Variants in SLC7A2 observed in about 807,000 individuals in gnomAD.
The protein encoded by SLC7A2 is solute carrier family 7 member 2, also known as cationic amino acid transporter 2.
SLC7A2 carries 48 observed loss-of-function variants against 58.9 expected under a neutral mutation model. The observed-to-expected ratio is 0.82, with a 90% CI of 0.65 to 1.04. The LOEUF is 1.04. SLC7A2 is among the 50% of genes least tolerant of loss of function. SLC7A2 has a pLI of 0.00. For missense variants in SLC7A2, 1,029 were observed against 818.8 expected (o/e 1.26, Z -3.13); for synonymous variants, 363 against 314.5 (o/e 1.15, Z -1.63).
intron 2 of SLC7A2, among the ~76,000 whole-genome samples, chr8:17,528,642 A>ACTCCGCCTGC (rs1801316354): frequency 6.6e-6 from 1 of 151,842 alleles, no homozygotes; most frequent in South Asian, 2.1e-4. Flanking sequence ...GAGGAAGTTA[A>ACTCCGCCTGC]CTCCGCCTGC....
In SLC7A2 at chr8:17,568,725, A is replaced by T. The variant is rs1459002125; in HGVS notation, c.*3579A>T. 1.3e-5 allele frequency: 2 copies of T among 152,036 alleles called. No homozygotes were observed. The highest frequency in any genetic ancestry group is 4.8e-5 in the African/African-American group (2 of 41,390). 9.4% of individuals were successfully genotyped at this position (152,036 alleles called of 1,614,324 possible). A position where few individuals can be genotyped will look rare whatever the true frequency, so the allele number is the denominator to read the frequency against. On this transcript the variant is annotated 3_prime_UTR_variant, in exon 13 of 13. Coordinates refer to ENST00000494857, the MANE Select transcript of SLC7A2 (RefSeq NM_001370338.1). Reference sequence around the variant, plus strand: ...ACACCTATAATCCTAGGATCTTGGGAGGTCGAGGCAAGCTGATCGCTTGAG... The same window carrying T: ...ACACCTATAATCCTAGGATCTTGGGTGGTCGAGGCAAGCTGATCGCTTGAG...
rs1301958806 is a variant in SLC7A2, at chr8:17,569,096, A to G, written c.*3950A>G. On this transcript the variant is annotated 3_prime_UTR_variant, in exon 13 of 13. Coordinates refer to ENST00000494857, the MANE Select transcript of SLC7A2 (RefSeq NM_001370338.1). ...CAATACCCATGATGACAGAGGGAGCACTTGAGCCTTGCCTTCCCTCCTCTT... is the reference window on the plus strand; with the variant it reads ...CAATACCCATGATGACAGAGGGAGCGCTTGAGCCTTGCCTTCCCTCCTCTT... 1 of 152,204 alleles carries G rather than the reference A, an allele frequency of 6.6e-6. No homozygotes were observed. The highest frequency in any genetic ancestry group is 2.4e-5 in the African/African-American group (1 of 41,458). The allele number at this position is 152,204 out of a possible 1,614,324, so 9.4% of individuals were successfully genotyped here.
intron 2 of SLC7A2, among the ~76,000 whole-genome samples, chr8:17,531,566 A>G (rs988655468): frequency 6.6e-6 from 1 of 152,216 alleles, no homozygotes; most frequent in South Asian, 2.1e-4. Context: ...TAAAATTCCT[A>G]TTGATCAATG....
At chr8:17,529,534 T>G (rs1801354158) in intron 2 of SLC7A2, among the ~76,000 whole-genome samples, 1 of 32,350 alleles carries the variant, frequency 3.1e-5, no homozygotes, top group African/African-American at 8.2e-5. Context: ...GTTTTTTTGT[T>G]TTTTTTTTTT....
intron 4 of SLC7A2, among the ~76,000 whole-genome samples, chr8:17,545,518 C>G (rs941319744): frequency 6.6e-6 from 1 of 150,574 alleles, no homozygotes; most frequent in Admixed American, 6.6e-5. Flanking sequence ...CTGCCTCAGC[C>G]TCCTGAGTAG....
chr8:17,505,309 A>G (rs1311358302), intron 2 of SLC7A2, among the ~76,000 whole-genome samples: 1 of 152,170 alleles, frequency 6.6e-6, no homozygotes, highest in East Asian at 1.9e-4. Context: ...TTAGGAGAGA[A>G]TCCTGTGAGC....
chr8:17,539,924 T>A (rs571979732), intron 2 of SLC7A2, among the ~76,000 whole-genome samples: 1 of 152,286 alleles, frequency 6.6e-6, no homozygotes, highest in South Asian at 2.1e-4. Flanking sequence ...CATAACCATT[T>A]CATATGGGGA....
intron 2 of SLC7A2, among the ~76,000 whole-genome samples, chr8:17,512,594 T>C (rs902576426): frequency 6.8e-6 from 1 of 146,570 alleles, no homozygotes. Flanking sequence ...GTGAAAAATA[T>C]ATAACCTTTC....
At chr8:17,521,532 A>G (rs951947211) in intron 2 of SLC7A2, among the ~76,000 whole-genome samples, 1 of 152,240 alleles carries the variant, frequency 6.6e-6, no homozygotes, top group Non-Finnish European at 1.5e-5. Flanking sequence ...TCTGCCATCC[A>G]TCAAGTGCTT....
chr8:17,558,759 G>T (rs1475947714), intron 9 of SLC7A2, among the ~76,000 whole-genome samples: 1 of 152,122 alleles, frequency 6.6e-6, no homozygotes, highest in Non-Finnish European at 1.5e-5. Flanking sequence ...TCTGGAAAAG[G>T]TAATTTACAA....
At chr8:17,545,425 T>C (rs957017671) in intron 4 of SLC7A2, among the ~76,000 whole-genome samples, 7 of 146,768 alleles carry the variant, frequency 4.8e-5, no homozygotes, top group African/African-American at 1.8e-4. Context: ...TTTTTTTTTT[T>C]TTTGAGATGG....
In SLC7A2 at chr8:17,543,719, T is replaced by C. The variant is rs1362615707; in HGVS notation, c.376+4T>C. The C allele has an allele frequency of 6.6e-7, 1 of 1,513,876 alleles. No homozygotes were observed. The highest frequency in any genetic ancestry group is 1.3e-5 in the South Asian group (1 of 74,154). 93.8% of individuals were successfully genotyped at this position (1,513,876 alleles called of 1,614,324 possible). A position where few individuals can be genotyped will look rare whatever the true frequency, so the allele number is the denominator to read the frequency against. On this transcript the variant is annotated splice_donor_region_variant and intron_variant, in intron 3 of 12. Coordinates refer to ENST00000494857, the MANE Select transcript of SLC7A2 (RefSeq NM_001370338.1). ...CTCATTTTATCGTATGTGATAGGTA[T>C]GTTTCAAAAAGAAATCTAACTTGTG...
rs1306241614 is a variant in SLC7A2 at position 17,550,574 on chromosome 8, G to A, written c.832+140G>A. 2.0e-5 allele frequency: 14 copies of A among 687,302 alleles called. No homozygotes were observed. In the South Asian group the frequency reaches 2.4e-4, roughly 12 times the overall value. 42.6% of individuals were successfully genotyped at this position (687,302 alleles called of 1,614,324 possible). A position where few individuals can be genotyped will look rare whatever the true frequency, so the allele number is the denominator to read the frequency against. ...CTAGTTCCAGGCCCAGCTGTGACAC[G>A]TGCTGCTGATGATAAAAAGAAAGAA... On this transcript the variant is annotated intron_variant, in intron 6 of 12. Transcript: ENST00000494857.
intron 2 of SLC7A2, among the ~76,000 whole-genome samples, chr8:17,513,948 A>G (rs1268555400): frequency 6.6e-6 from 1 of 152,246 alleles, no homozygotes; most frequent in Non-Finnish European, 1.5e-5. Context: ...TATTCTGAGG[A>G]TCAGTTATAT....
At chr8:17,522,898 A>C (rs1287670247) in intron 2 of SLC7A2, among the ~76,000 whole-genome samples, 1 of 152,044 alleles carries the variant, frequency 6.6e-6, no homozygotes, top group African/African-American at 2.4e-5. Flanking sequence ...TTAGCTGGGC[A>C]TGGAGGGTGC....
In SLC7A2 at chr8:17,551,872, T is replaced by A; in HGVS notation, c.941T>A (p.Met314Lys). ...FGVSAALTLM[M>K]PYYLLDEKSP... ...GTCTCTGCAGCTTTAACACTTATGATGCCGTACTACCTCCTCGATGAAAAA... is the reference window on the plus strand; with the variant it reads ...GTCTCTGCAGCTTTAACACTTATGAAGCCGTACTACCTCCTCGATGAAAAA... The change falls in exon 7 of 13, where the codon ATG becomes AAG. Residue 314 changes from methionine to lysine, a missense_variant. Met to Lys is a moderately conservative substitution (Grantham distance 95). Coordinates refer to ENST00000494857, the MANE Select transcript of SLC7A2 (RefSeq NM_001370338.1). 6.2e-7 allele frequency: 1 copy of A among 1,613,978 alleles called. No homozygotes were observed. The highest frequency in any genetic ancestry group is 8.5e-7 in the Non-Finnish European group (1 of 1,179,984).
intron 2 of SLC7A2, among the ~76,000 whole-genome samples, chr8:17,503,182 C>A (rs1468578058): frequency 6.6e-6 from 1 of 151,988 alleles, no homozygotes; most frequent in Admixed American, 6.6e-5. Context: ...TCCCGAGTAG[C>A]TGGGACTACA....
intron 6 of SLC7A2, among the ~76,000 whole-genome samples, chr8:17,551,541 T>A (rs1037483177): frequency 6.6e-6 from 1 of 151,952 alleles, no homozygotes; most frequent in South Asian, 2.1e-4. Context: ...GAGGTTGCAG[T>A]GAGTCAAGAT....
chr8:17,529,162 C>G (rs1801335756), intron 2 of SLC7A2, among the ~76,000 whole-genome samples: 1 of 152,126 alleles, frequency 6.6e-6, no homozygotes, highest in Non-Finnish European at 1.5e-5. Context: ...CCTTTGCAGA[C>G]TTATTTAGAC....
Sources: allele counts gnomAD v4.1 joint callset (sites outside exome capture counted in the v4.1 genomes callset), GRCh38; gene constraint gnomAD v4.1.1; transcripts MANE v1.5; gene names NCBI Gene and HGNC (gene_info 2026-07-23, HGNC 2026-07-21).